Variants in CSNK2A2IP observed in about 807,000 individuals in gnomAD.
CSNK2A2IP encodes the protein casein kinase II subunit alpha'-interacting protein.
the CSNK2A2IP span, among the ~76,000 whole-genome samples, chr3:88,463,613 C>T: frequency 6.6e-6 from 1 of 152,146 alleles, no homozygotes; most frequent in African/African-American, 2.4e-5. Context: ...TACCATCTCA[C>T]ACCAGTTAGA....
At chr3:88,450,818 G>A in the CSNK2A2IP span, among the ~76,000 whole-genome samples, 2 of 152,180 alleles carry the variant, frequency 1.3e-5, no homozygotes, top group Admixed American at 6.6e-5. Flanking sequence ...AACATAAGCA[G>A]GTAGGTATCT....
chr3:88,383,651 C>CTTTTTTTTTTTTTTTTT, the CSNK2A2IP span, among the ~76,000 whole-genome samples: 1 of 88,548 alleles, frequency 1.1e-5, no homozygotes, highest in African/African-American at 4.6e-5. Context: ...TCTTTTCTTT[C>CTTTTTTTTTTTTTTTTT]TTTTTTTTTT....
chr3:88,435,176 C>G, the CSNK2A2IP span, among the ~76,000 whole-genome samples: 2 of 152,106 alleles, frequency 1.3e-5, no homozygotes, highest in Admixed American at 6.6e-5. Flanking sequence ...GAAATATTCC[C>G]CATATTGTTG....
At chr3:88,391,277 T>C in the CSNK2A2IP span, among the ~76,000 whole-genome samples, 2 of 152,194 alleles carry the variant, frequency 1.3e-5, no homozygotes, top group Non-Finnish European at 2.9e-5. Flanking sequence ...CAAACTATTA[T>C]TTTTGGTTTT....
At chr3:88,462,515 G>A in the CSNK2A2IP span, among the ~76,000 whole-genome samples, 4 of 152,158 alleles carry the variant, frequency 2.6e-5, no homozygotes, top group Admixed American at 2.6e-4. Flanking sequence ...CAAAGAGAGA[G>A]AGTGAGGTCA....
At chr3:88,441,945 A>C in the CSNK2A2IP span, among the ~76,000 whole-genome samples, 1 of 152,192 alleles carries the variant, frequency 6.6e-6, no homozygotes, top group Non-Finnish European at 1.5e-5. Context: ...ACTTAAAAAC[A>C]GAAGCGAAGT....
chr3:88,342,791 T>C, the CSNK2A2IP span, among the ~76,000 whole-genome samples: 1 of 151,802 alleles, frequency 6.6e-6, no homozygotes, highest in Non-Finnish European at 1.5e-5. Flanking sequence ...ATTAATACTT[T>C]TGTAGGTTGA....
chr3:88,414,970 TAAAATGTCAGGTTACCA>T, the CSNK2A2IP span, among the ~76,000 whole-genome samples: 1 of 151,560 alleles, frequency 6.6e-6, no homozygotes, highest in East Asian at 1.9e-4. Flanking sequence ...TATTTTAAAA[TAAAATGTCAGGTTACCA>T]AAAACTTTAG....
the CSNK2A2IP span, among the ~76,000 whole-genome samples, chr3:88,360,459 T>C: frequency 3.3e-5 from 5 of 152,164 alleles, no homozygotes; most frequent in Non-Finnish European, 7.3e-5. Context: ...AAATCCATTT[T>C]ATCTCATGTA....
chr3:88,370,981 G>A, the CSNK2A2IP span, among the ~76,000 whole-genome samples: 8 of 151,716 alleles, frequency 5.3e-5, no homozygotes, highest in East Asian at 1.5e-3. Context: ...GCCAGGAAGA[G>A]ACACTAGATA....
chr3:88,368,947 G>T, the CSNK2A2IP span, among the ~76,000 whole-genome samples: 1 of 151,946 alleles, frequency 6.6e-6, no homozygotes, highest in East Asian at 1.9e-4. Flanking sequence ...TCTTCCAAAT[G>T]ATCAATCCTG....
At chr3:88,380,992 G>T in the CSNK2A2IP span, among the ~76,000 whole-genome samples, 2 of 152,174 alleles carry the variant, frequency 1.3e-5, no homozygotes, top group Non-Finnish European at 2.9e-5. Context: ...TAAACAGGGT[G>T]CCAGTCAAAT....
the CSNK2A2IP span, among the ~76,000 whole-genome samples, chr3:88,453,074 C>A: frequency 6.6e-6 from 1 of 152,050 alleles, no homozygotes; most frequent in African/African-American, 2.4e-5. Flanking sequence ...GTACTTATGT[C>A]AAGCACTCAA....
At chr3:88,430,008 C>G in the CSNK2A2IP span, among the ~76,000 whole-genome samples, 122,599 of 151,134 alleles carry the variant, frequency 0.81, 50,383 homozygotes, top group Non-Finnish European at 0.87. Context: ...TGATCCTCCT[C>G]CCTCAGCCTC....
the CSNK2A2IP span, among the ~76,000 whole-genome samples, chr3:88,394,562 C>T: frequency 2.6e-5 from 4 of 152,056 alleles, no homozygotes; most frequent in Non-Finnish European, 4.4e-5. Context: ...TTAGTAGAAA[C>T]GGGGTTTCAC....
the CSNK2A2IP span, among the ~76,000 whole-genome samples, chr3:88,342,382 A>C: frequency 2.0e-5 from 3 of 151,960 alleles, no homozygotes; most frequent in African/African-American, 7.2e-5. Flanking sequence ...CAGCTGTTTG[A>C]ACCATGTTCA....
chr3:88,358,696 T>A, the CSNK2A2IP span, among the ~76,000 whole-genome samples: 3 of 152,230 alleles, frequency 2.0e-5, no homozygotes, highest in East Asian at 5.8e-4. Context: ...TCCCACTTGA[T>A]GATAATGAAT....
At chr3:88,449,384 G>A in the CSNK2A2IP span, among the ~76,000 whole-genome samples, 1 of 151,978 alleles carries the variant, frequency 6.6e-6, no homozygotes. Context: ...CCTTCTCTCA[G>A]AAAATAACCT....
At chr3:88,425,861 GCTA>G in the CSNK2A2IP span, among the ~76,000 whole-genome samples, 1 of 152,008 alleles carries the variant, frequency 6.6e-6, no homozygotes. Flanking sequence ...TTTGTATTAT[GCTA>G]GATGTTGCTG....
Sources: allele counts gnomAD v4.1 joint callset (sites outside exome capture counted in the v4.1 genomes callset), GRCh38; gene constraint gnomAD v4.1.1; transcripts MANE v1.5; gene names NCBI Gene and HGNC (gene_info 2026-07-23, HGNC 2026-07-21).